Variants in PCDHGB5 observed in about 807,000 individuals in gnomAD.
PCDHGB5 encodes the protein protocadherin gamma subfamily B, 5.
Under a neutral mutation model 62.9 loss-of-function variants are expected in PCDHGB5, and 48 were observed. The observed-to-expected ratio is 0.76, with a 90% confidence interval of 0.61 to 0.97. PCDHGB5 has a LOEUF of 0.97. Ranked by LOEUF, PCDHGB5 falls within the 50% of genes least tolerant of loss-of-function variation. PCDHGB5 has a pLI of 0.00. For synonymous variants in PCDHGB5, 474 were observed against 511.2 expected, an observed-to-expected ratio of 0.93 and a Z score of 0.98; for missense variants, 1,118 against 1,198.6, an observed-to-expected ratio of 0.93 and a Z score of 0.99.
At chr5:141,444,152 ATTTTTTTTTTTTTTTTTTT>A (rs747671382) in intron 1 of PCDHGB5, among the ~76,000 whole-genome samples, 14 of 33,898 alleles carry the variant, frequency 4.1e-4, no homozygotes, top group South Asian at 3.1e-3. Flanking sequence ...TGTGTACTGG[ATTTTTTTTTTTTTTTTTTT>A]TTTTTTTTTT....
intron 1 of PCDHGB5, chr5:141,413,715 G>A (rs955570292): frequency 2.5e-6 from 4 of 1,613,472 alleles, no homozygotes; most frequent in Non-Finnish European, 3.4e-6. Context: ...GCCCCAATAA[G>A]CACTTCTCCC....
Position 141,491,902 on chromosome 5 carries a change from G to C in PCDHGB5, c.2398-2905G>C. On this transcript the variant is annotated intron_variant, in intron 1 of 3. Transcript: ENST00000617380. This position sits in a 1 kb window ranked among gnomAD's most constrained non-coding sequence, Gnocchi z 6.9. ...AGGGATGGGGCTCCGAGCACCGGGG[G>C]TGGTGGCGACTGTGGGCGAGGGGAG... 7.0e-7 allele frequency: 1 copy of C among 1,429,002 alleles called. No individual in the cohort carries two copies. Among genetic ancestry groups the C allele is most frequent in the Non-Finnish European group, 9.3e-7 (1 of 1,079,426 alleles). The allele number at this position is 1,429,002 out of a possible 1,614,324, so 88.5% of individuals were successfully genotyped here. A position where few individuals can be genotyped will look rare whatever the true frequency, so the allele number is the denominator to read the frequency against.
At chr5:141,435,271 T>C (rs1242477213) in intron 1 of PCDHGB5, among the ~76,000 whole-genome samples, 1 of 152,216 alleles carries the variant, frequency 6.6e-6, no homozygotes, top group African/African-American at 2.4e-5. Context: ...CCATTTATAC[T>C]TTCTCAGTAT....
chr5:141,400,316 A>C lies in PCDHGB5; in HGVS notation c.2189A>C (p.Lys730Thr). The change falls in exon 1 of 4, where the codon AAG becomes ACG. Residue 730 changes from lysine to threonine, a missense_variant. This residue lies in a region of PCDHGB5 where 1,034 missense variants were observed against 1,029.1 expected (regional missense o/e 1.00). Transcript: ENST00000617380. ...TGCTTCCAACCTGGTCTCTGTGTCA[A>C]GTCTGGACCTGTGGTTCCCCCCAAC... The part of the protein sequence containing the change: ...WSCFQPGLCV[K>T]SGPVVPPNYS... 6.2e-7 allele frequency: 1 copy of C among 1,614,042 alleles called. No homozygotes were observed.
chr5:141,404,159 A>C, intron 1 of PCDHGB5: 1 of 1,613,114 alleles, frequency 6.2e-7, no homozygotes, highest in South Asian at 1.1e-5. Flanking sequence ...AGATTATTAC[A>C]GATTGTTGAC....
In PCDHGB5 at chr5:141,404,747, G is replaced by A. The variant is rs142282950; in HGVS notation, c.2397+4223G>A. 3.0e-4 allele frequency: 483 copies of A among 1,614,062 alleles called. 2 individuals carry two copies. The African/African-American group carries it at 5.3e-3, about 18-fold the overall frequency. On this transcript the variant is annotated intron_variant, in intron 1 of 3. Coordinates refer to ENST00000617380, the MANE Select transcript of PCDHGB5 (RefSeq NM_018925.3). ...GGTGGTGGCAGTGGACAGAGACTCA[G>A]GCCAGAATGCTTGGCTCTCCTACCG...
At chr5:141,484,931 A>ACGTT (rs1464416110) in intron 1 of PCDHGB5, 2 of 498,000 alleles carry the variant, frequency 4.0e-6, no homozygotes, top group Non-Finnish European at 7.2e-6. Flanking sequence ...TGCTGTTGGG[A>ACGTT]CGTTCTCTGC....
rs142628885 is a variant in PCDHGB5 at position 141,404,093 on chromosome 5, C to T, written c.2397+3569C>T. ...TGACCGAGACTCCGGGAAGAATGGT[C>T]AAGTTGTCTGTTCTATCCAGGAGAA... On this transcript the variant is annotated intron_variant, in intron 1 of 3. Coordinates refer to ENST00000617380, the MANE Select transcript of PCDHGB5 (RefSeq NM_018925.3). The T allele has an allele frequency of 9.4e-5, 152 of 1,613,326 alleles. 2 individuals carry two copies. In the East Asian group the frequency reaches 3.4e-3, roughly 36 times the overall value.
chr5:141,431,571 A>T lies in PCDHGB5; in HGVS notation c.2397+31047A>T, dbSNP rs781289120. 1.2e-6 allele frequency: 2 copies of T among 1,614,026 alleles called. No homozygotes were observed. Among genetic ancestry groups the T allele is most frequent in the African/African-American group, 1.3e-5 (1 of 74,938 alleles). On this transcript the variant is annotated intron_variant, in intron 1 of 3. Coordinates refer to ENST00000617380, the MANE Select transcript of PCDHGB5 (RefSeq NM_018925.3). This position sits in a 1 kb window ranked among gnomAD's most constrained non-coding sequence, Gnocchi z 4.8. ...GTAGTCAACGCTACCGACCCTGACG[A>T]AGGAGTCAATGCGGAAGTGAGGTAT...
rs369886570 is a variant in PCDHGB5 at position 141,487,839 on chromosome 5, G to A, written c.2398-6968G>A. ...GGGGGCGGGTCATGCCTATATCTGAGTAAGAAATGAAAGTAATTGGTGATC... is the reference window on the plus strand; with the variant it reads ...GGGGGCGGGTCATGCCTATATCTGAATAAGAAATGAAAGTAATTGGTGATC... On this transcript the variant is annotated intron_variant, in intron 1 of 3. Transcript: ENST00000617380. The surrounding 1 kb of genome is among the most constrained non-coding windows in gnomAD (Gnocchi z 5.0). The A allele has an allele frequency of 2.7e-6, 3 of 1,103,412 alleles. No homozygotes were observed. Among genetic ancestry groups the A allele is most frequent in the African/African-American group, 1.6e-5 (1 of 63,054 alleles). The allele number at this position is 1,103,412 out of a possible 1,614,324, so 68.4% of individuals were successfully genotyped here.
At chr5:141,406,277 C>T (rs1462690693) in intron 1 of PCDHGB5, among the ~76,000 whole-genome samples, 1 of 151,986 alleles carries the variant, frequency 6.6e-6, no homozygotes, top group Non-Finnish European at 1.5e-5. Flanking sequence ...GCTTCAGTTT[C>T]CCAAAGCACT....
chr5:141,413,981 C>A (rs563161887), intron 1 of PCDHGB5: 1 of 1,613,452 alleles, frequency 6.2e-7, no homozygotes, highest in Admixed American at 1.7e-5. Context: ...CTGACAGTCA[C>A]AGCCACCGAC....
At chr5:141,454,993 T>C (rs2098809479) in intron 1 of PCDHGB5, among the ~76,000 whole-genome samples, 1 of 151,290 alleles carries the variant, frequency 6.6e-6, no homozygotes, top group Non-Finnish European at 1.5e-5. Context: ...AAAATATTTT[T>C]AGTAGAGACG....
chr5:141,416,101 C>CT (rs34144584), intron 1 of PCDHGB5: 1 of 158,972 alleles, frequency 6.3e-6, no homozygotes, highest in Non-Finnish European at 1.4e-5. Context: ...GGCAATAGGC[C>CT]TTTTTCAAAC....
At position 141,398,671 on chromosome 5, in the gene PCDHGB5, A is replaced by G. The variant is rs759202675; in HGVS notation, c.544A>G (p.Ile182Val). ...LSLNPSFSLI[I>V]KEKQDGSKYP... ...TCTTAACCCAAGTTTCTCATTAATAATTAAGGAGAAACAGGATGGTAGTAA... is the reference window on the plus strand; with the variant it reads ...TCTTAACCCAAGTTTCTCATTAATAGTTAAGGAGAAACAGGATGGTAGTAA... Residue 182 changes from isoleucine (I) to valine (V), a missense_variant, in exon 1 of 4, where the codon ATT (isoleucine) becomes GTT (valine). By Grantham distance (29) the Ile-to-Val change is conservative. This residue lies in a region of PCDHGB5 where 1,034 missense variants were observed against 1,029.1 expected (regional missense o/e 1.00). Coordinates refer to ENST00000617380, the MANE Select transcript of PCDHGB5 (RefSeq NM_018925.3). 2 of 1,614,018 alleles carry G rather than the reference A, an allele frequency of 1.2e-6. No individual in the cohort carries two copies. The highest frequency in any genetic ancestry group is 1.7e-6 in the Non-Finnish European group (2 of 1,179,892).
intron 1 of PCDHGB5, among the ~76,000 whole-genome samples, chr5:141,475,171 C>A (rs545499118): frequency 6.6e-6 from 1 of 152,164 alleles, no homozygotes; most frequent in African/African-American, 2.4e-5. Context: ...AGCAGTGCAA[C>A]TTCTTGTGGC....
intron 2 of PCDHGB5, among the ~76,000 whole-genome samples, chr5:141,504,748 T>A (rs979724181): frequency 7.2e-5 from 11 of 151,880 alleles, no homozygotes; most frequent in Non-Finnish European, 1.3e-4. Context: ...CCATTGAATT[T>A]TAGAAATTTC....
At position 141,400,391 on chromosome 5, in the gene PCDHGB5, C is replaced by T. The variant is rs1468153713; in HGVS notation, c.2264C>T (p.Thr755Ile). 1.2e-6 allele frequency: 2 copies of T among 1,614,076 alleles called. No homozygotes were observed. The highest frequency in any genetic ancestry group is 1.7e-6 in the Non-Finnish European group (2 of 1,179,906). ...TCCTACAACCTATGTGTTGCACATA[C>T]AGGAAAGACGGAGTTTAATTTCCTA... The part of the protein sequence containing the change: ...PYSYNLCVAH[T>I]GKTEFNFLKC... The change falls in exon 1 of 4, where the codon ACA becomes ATA. Residue 755 changes from threonine to isoleucine, a missense_variant. Around this residue, in one of 2 missense-constraint regions of PCDHGB5, gnomAD observed 1,034 missense variants for 1,029.1 expected, o/e 1.00. Coordinates refer to ENST00000617380, the MANE Select transcript of PCDHGB5 (RefSeq NM_018925.3).
intron 1 of PCDHGB5, chr5:141,433,331 C>G: frequency 1.4e-6 from 1 of 699,624 alleles, no homozygotes; most frequent in South Asian, 1.9e-5. Context: ...GTAACAGGGA[C>G]TACAGGTGCA....
Sources: gnomAD v4.1 joint callset for allele counts (sites outside exome capture counted in the v4.1 genomes callset) on GRCh38, gnomAD v4.1.1 for gene constraint, gnomAD v4.1.1 regional missense constraint, Gnocchi (gnomAD v3.1) non-coding constraint, MANE v1.5 for transcripts, NCBI Gene and HGNC (gene_info 2026-07-23, HGNC 2026-07-21) for gene names.